The following CNBD1 variants were observed in gnomAD, a reference collection of about 807,000 sequenced individuals.
CNBD1 encodes the protein cyclic nucleotide-binding domain-containing protein 1.
In CNBD1, 71 loss-of-function variants were observed where a neutral mutation model predicts 54.4. The ratio of observed to expected loss-of-function variants is 1.30; its 90% CI spans 1.08 to 1.59. The LOEUF is 1.59. Among genes scored for constraint, CNBD1 ranks in the 40% most tolerant of loss-of-function variants. CNBD1 has a pLI of 0.00. For synonymous variants in CNBD1, 182 were observed against 170.7 expected, an observed-to-expected ratio of 1.07 and a Z score of -0.51; for missense variants, 659 against 518.0, an observed-to-expected ratio of 1.27 and a Z score of -2.64.
At chr8:87,066,238 C>A (rs1222239101) in intron 4 of CNBD1, among the ~76,000 whole-genome samples, 2 of 151,910 alleles carry the variant, frequency 1.3e-5, no homozygotes, top group African/African-American at 4.8e-5. Context: ...ATTTCTATGA[C>A]TGTTGATAAA....
intron 2 of CNBD1, among the ~76,000 whole-genome samples, chr8:87,428,306 C>T (rs2092124294): frequency 6.6e-6 from 1 of 152,000 alleles, no homozygotes; most frequent in East Asian, 1.9e-4. Flanking sequence ...TAAACAATTT[C>T]CAAATTCTGA....
rs1287375754 is a variant in CNBD1 at position 87,206,107 on chromosome 8, C to G, written c.546C>G (p.Val182=). Residue 182 remains valine (V), a synonymous_variant, in exon 5 of 11, where the codon GTC becomes GTG. Transcript: ENST00000518476. ...ATCTGAAAACACTTAGTAAGACTGT[C>G]TTTTCCGAAACCTGGTTGAAAGGCA... ...DKHLKTLSKT[V]FSETWLKGST... 9.4e-6 allele frequency: 15 copies of G among 1,588,824 alleles called. No homozygotes were observed. Among genetic ancestry groups the G allele is most frequent in the Non-Finnish European group, 1.3e-5 (15 of 1,169,388 alleles).
chr8:87,057,147 C>T (rs547513439), intron 4 of CNBD1, among the ~76,000 whole-genome samples: 16 of 152,274 alleles, frequency 1.1e-4, no homozygotes, highest in Non-Finnish European at 1.9e-4. Flanking sequence ...TGTATTCGTT[C>T]GTCCTCATGC....
At chr8:87,333,837 G>T (rs891158041) in intron 8 of CNBD1, among the ~76,000 whole-genome samples, 17 of 151,744 alleles carry the variant, frequency 1.1e-4, no homozygotes, top group African/African-American at 2.7e-4. Context: ...TCTTTTTTTT[G>T]TTGTGTTCCT....
intron 4 of CNBD1, among the ~76,000 whole-genome samples, chr8:87,021,291 T>A (rs1470390156): frequency 6.6e-6 from 1 of 152,220 alleles, no homozygotes; most frequent in Non-Finnish European, 1.5e-5. Context: ...TTTTTTATTC[T>A]GACCAAGTAC....
intron 4 of CNBD1, among the ~76,000 whole-genome samples, chr8:87,082,793 A>C (rs1811023216): frequency 6.6e-6 from 1 of 152,008 alleles, no homozygotes; most frequent in African/African-American, 2.4e-5. Flanking sequence ...AAAATGTTCC[A>C]TCTGTTTATT....
chr8:87,390,866 A>G (rs1306504568), intron 2 of CNBD1, among the ~76,000 whole-genome samples: 1 of 152,218 alleles, frequency 6.6e-6, no homozygotes, highest in East Asian at 1.9e-4. Flanking sequence ...GATAGACTGG[A>G]TTAAGAAAAT....
chr8:87,324,764 C>T (rs1380109946), intron 8 of CNBD1, among the ~76,000 whole-genome samples: 2 of 146,994 alleles, frequency 1.4e-5, no homozygotes, highest in Non-Finnish European at 3.0e-5. Context: ...CTCCTGGATT[C>T]ATTGATTTTT....
At chr8:87,259,165 C>T (rs2130847072) in intron 6 of CNBD1, among the ~76,000 whole-genome samples, 1 of 152,278 alleles carries the variant, frequency 6.6e-6, no homozygotes, top group East Asian at 1.9e-4. Flanking sequence ...ACAACTTATA[C>T]AGGCTATCTA....
intron 4 of CNBD1, among the ~76,000 whole-genome samples, chr8:87,046,358 C>T (rs1170047352): frequency 6.6e-6 from 1 of 152,162 alleles, no homozygotes; most frequent in East Asian, 1.9e-4. Context: ...GTTAGATCTC[C>T]ATACCATGTT....
Position 87,335,155 on chromosome 8 carries a change from T to A in CNBD1, c.1043-16530T>A, listed in dbSNP as rs935658224. 4.6e-5 allele frequency among the ~76,000 whole-genome samples: 7 copies of A among 152,204 alleles called. 1 individual carries two copies. Among genetic ancestry groups the A allele is most frequent in the Admixed American group, 2.0e-4 (3 of 15,284 alleles). On this transcript the variant is annotated intron_variant, in intron 8 of 10. Transcript: ENST00000518476. ...GGTCGATTTTAGAGTAAGTGTCATG[T>A]GGCACTGAGAATAATGTATATTCTG... is the stretch of plus-strand genomic sequence containing the variant.
At position 87,052,691 on chromosome 8, in the gene CNBD1, T is replaced by C. The variant is rs769193456; in HGVS notation, c.431+112937T>C. On this transcript the variant is annotated intron_variant, in intron 4 of 10. Transcript: ENST00000518476. ...AGGTTTTCTTTGGCTATAGGAGACATGTTGTTTATCCCAACTTTTCTGCTG... is the reference window on the plus strand; with the variant it reads ...AGGTTTTCTTTGGCTATAGGAGACACGTTGTTTATCCCAACTTTTCTGCTG... Among the ~76,000 whole-genome samples the C allele has an allele frequency of 5.1e-4, 77 of 152,294 alleles. 1 individual carries two copies. The highest frequency in any genetic ancestry group is 3.4e-3 in the Middle Eastern group (1 of 294).
chr8:87,207,113 G>A (rs924321480), intron 5 of CNBD1, among the ~76,000 whole-genome samples: 3 of 151,928 alleles, frequency 2.0e-5, no homozygotes, highest in Non-Finnish European at 4.4e-5. Context: ...TAAATCAAAG[G>A]AATTTTAAAG....
At chr8:86,889,461 G>T (rs1299146932) in intron 2 of CNBD1, among the ~76,000 whole-genome samples, 1 of 152,044 alleles carries the variant, frequency 6.6e-6, no homozygotes, top group East Asian at 1.9e-4. Flanking sequence ...TATTATAGAT[G>T]AAAAGTGACC....
At chr8:87,408,239 A>C (rs532038577) in intron 2 of CNBD1, among the ~76,000 whole-genome samples, 1 of 151,880 alleles carries the variant, frequency 6.6e-6, no homozygotes, top group East Asian at 1.9e-4. Context: ...TGTTTGTCAG[A>C]CCTTTTCTTA....
chr8:87,126,663 AG>A (rs1811995450), intron 4 of CNBD1, among the ~76,000 whole-genome samples: 1 of 151,978 alleles, frequency 6.6e-6, no homozygotes, highest in Non-Finnish European at 1.5e-5. Context: ...GAAGTTTAAC[AG>A]TTTTTTTTAT....
chr8:87,210,799 A>G (rs1009403570), intron 5 of CNBD1, among the ~76,000 whole-genome samples: 5 of 152,196 alleles, frequency 3.3e-5, no homozygotes, highest in African/African-American at 1.2e-4. Flanking sequence ...GAGCCCTCAC[A>G]GAGAACCTCT....
At chr8:87,267,762 C>A (rs527705879) in intron 6 of CNBD1, among the ~76,000 whole-genome samples, 14 of 151,990 alleles carry the variant, frequency 9.2e-5, no homozygotes, top group Non-Finnish European at 1.9e-4. Context: ...GTTTCTTTAT[C>A]CAGATAGTGG....
chr8:86,985,030 G>A (rs1249711004), intron 4 of CNBD1, among the ~76,000 whole-genome samples: 1 of 152,112 alleles, frequency 6.6e-6, no homozygotes, highest in African/African-American at 2.4e-5. Context: ...TTGTGGGAGG[G>A]ATCCAGTGGG....
Sources: allele counts gnomAD v4.1 joint callset (sites outside exome capture counted in the v4.1 genomes callset), GRCh38; gene constraint gnomAD v4.1.1; transcripts MANE v1.5; gene names NCBI Gene and HGNC (gene_info 2026-07-23, HGNC 2026-07-21).